PRDM16: variants seen among roughly 807,000 people sequenced by gnomAD.
The protein encoded by PRDM16 is histone-lysine N-methyltransferase PRDM16.
PRDM16 carries 23 observed loss-of-function variants against 110.6 expected under a neutral mutation model. The ratio of observed to expected loss-of-function variants is 0.21; its 90% confidence interval spans 0.15 to 0.29. The LOEUF (loss-of-function observed/expected upper bound fraction) is 0.29, where lower values mean the gene tolerates loss of function less well. Among genes scored for constraint, PRDM16 ranks in the 10% least tolerant of loss-of-function variants. PRDM16 has a pLI of 1.00. For synonymous variants in PRDM16, 799 were observed against 781.8 expected, an observed-to-expected ratio of 1.02 and a Z score of -0.37; for missense variants, 1,615 against 1,794.3, an observed-to-expected ratio of 0.90 and a Z score of 1.81.
At chr1:3,087,374 G>A (rs1570227411) in intron 1 of PRDM16, among the ~76,000 whole-genome samples, 2 of 152,202 alleles carry the variant, frequency 1.3e-5, no homozygotes, top group African/African-American at 4.8e-5. Flanking sequence ...GCACCACAGA[G>A]CACGGGCTGA....
chr1:3,373,926 G>A (rs1159982066), intron 3 of PRDM16, among the ~76,000 whole-genome samples: 1 of 152,232 alleles, frequency 6.6e-6, no homozygotes, highest in Admixed American at 6.5e-5. Context: ...GTTGACCAGA[G>A]CCAACCAAAG....
Position 3,404,810 on chromosome 1 carries a change from A to T in PRDM16, c.956A>T (p.Asn319Ile). The change falls in exon 7 of 17, where the codon AAC becomes ATC. Residue 319 changes from asparagine to isoleucine, a missense_variant. By Grantham distance (149) the Asn-to-Ile change is moderately radical. Coordinates refer to ENST00000270722, the MANE Select transcript of PRDM16 (RefSeq NM_022114.4). ...TGCGACCAGTGTCCCAAGGCCTTCA[A>T]CTGGAAGTCCAACCTCATCCGCCAC... The part of the protein sequence containing the change: ...YKCDQCPKAF[N>I]WKSNLIRHQM... The T allele has an allele frequency of 6.2e-7, 1 of 1,613,670 alleles. No individual in the cohort carries two copies. Among genetic ancestry groups the T allele is most frequent in the Non-Finnish European group, 8.5e-7 (1 of 1,179,992 alleles).
At chr1:3,426,666 G>T (rs1394468552) in intron 14 of PRDM16, among the ~76,000 whole-genome samples, 1 of 152,124 alleles carries the variant, frequency 6.6e-6, no homozygotes, top group Admixed American at 6.5e-5. Context: ...GCACACATAG[G>T]TATGCCCCGT....
At chr1:3,182,681 C>CA (rs1331992228) in intron 1 of PRDM16, among the ~76,000 whole-genome samples, 1 of 152,202 alleles carries the variant, frequency 6.6e-6, no homozygotes, top group East Asian at 1.9e-4. Flanking sequence ...GTCTCTGTCC[C>CA]AGCCCGGGGC....
intron 14 of PRDM16, among the ~76,000 whole-genome samples, chr1:3,429,951 T>G (rs1340267109): frequency 6.6e-6 from 1 of 152,140 alleles, no homozygotes; most frequent in Non-Finnish European, 1.5e-5. Flanking sequence ...CGTGGATACC[T>G]CCCAGGGCAG....
chr1:3,325,550 T>A (rs1641869839), intron 3 of PRDM16, among the ~76,000 whole-genome samples: 1 of 152,194 alleles, frequency 6.6e-6, no homozygotes, highest in Non-Finnish European at 1.5e-5. Context: ...AGGGACTGTG[T>A]TTATTTCCTG....
intron 3 of PRDM16, among the ~76,000 whole-genome samples, chr1:3,301,578 CT>C (rs1557592037): frequency 6.6e-6 from 1 of 152,196 alleles, no homozygotes; most frequent in South Asian, 2.1e-4. Flanking sequence ...CGGAGCCCAG[CT>C]TCCTTTAGCA....
chr1:3,125,367 C>T (rs563852251), intron 1 of PRDM16, among the ~76,000 whole-genome samples: 1 of 152,384 alleles, frequency 6.6e-6, no homozygotes, highest in East Asian at 1.9e-4. Flanking sequence ...GTCCTCCTGT[C>T]CTTTCTGGAA....
intron 4 of PRDM16, among the ~76,000 whole-genome samples, chr1:3,393,506 C>T (rs917009729): frequency 6.6e-6 from 1 of 152,204 alleles, no homozygotes; most frequent in Non-Finnish European, 1.5e-5. Context: ...TTATGACAAG[C>T]CCTGCAGGAA....
At chr1:3,093,396 CT>C (rs1295909708) in intron 1 of PRDM16, among the ~76,000 whole-genome samples, 1 of 152,228 alleles carries the variant, frequency 6.6e-6, no homozygotes. Context: ...TGGGGTGCAG[CT>C]GGGACTCGGT....
In PRDM16 at chr1:3,171,567, C is replaced by T. The variant is rs140007248; in HGVS notation, c.38-14558C>T. ...GCCCTCGGTATCCCACTTACAGCCT[C>T]CGAGTTTGCAGAAACACAGCTGTGT... On this transcript the variant is annotated intron_variant, in intron 1 of 16. Coordinates refer to ENST00000270722, the MANE Select transcript of PRDM16 (RefSeq NM_022114.4). 1.0e-2 allele frequency among the ~76,000 whole-genome samples: 1,523 copies of T among 152,308 alleles called. 29 individuals are homozygous for T. Among genetic ancestry groups the T allele is most frequent in the African/African-American group, 0.034 (1,424 of 41,584 alleles).
At chr1:3,125,583 G>A (rs1337229078) in intron 1 of PRDM16, among the ~76,000 whole-genome samples, 1 of 152,280 alleles carries the variant, frequency 6.6e-6, no homozygotes, top group Non-Finnish European at 1.5e-5. Flanking sequence ...GGCTCTGGAG[G>A]AGCAATGAGT....
chr1:3,299,452 C>T (rs1363767173), intron 3 of PRDM16, among the ~76,000 whole-genome samples: 1 of 114,168 alleles, frequency 8.8e-6, no homozygotes, highest in African/African-American at 3.0e-5. Context: ...CGTGGTGACT[C>T]TGCCCTGGTT....
At chr1:3,211,669 G>T (rs1391947759) in intron 2 of PRDM16, among the ~76,000 whole-genome samples, 1 of 152,210 alleles carries the variant, frequency 6.6e-6, no homozygotes, top group Non-Finnish European at 1.5e-5. Context: ...GGTGGTCAGT[G>T]CTCGCTCACC....
At chr1:3,113,733 C>T (rs777999794) in intron 1 of PRDM16, among the ~76,000 whole-genome samples, 4 of 152,332 alleles carry the variant, frequency 2.6e-5, no homozygotes, top group Admixed American at 6.5e-5. Context: ...GACATGGCCG[C>T]GTGCCCCAGG....
chr1:3,075,130 G>A (rs748854448), intron 1 of PRDM16, among the ~76,000 whole-genome samples: 1 of 152,242 alleles, frequency 6.6e-6, no homozygotes, highest in Non-Finnish European at 1.5e-5. Context: ...CTGAGACGCG[G>A]GAACAATGCC....
chr1:3,294,987 G>A (rs1296264451), intron 3 of PRDM16, among the ~76,000 whole-genome samples: 6 of 152,312 alleles, frequency 3.9e-5, no homozygotes, highest in African/African-American at 1.4e-4. Context: ...GGTCACTGCA[G>A]GCAGGCTATG....
At chr1:3,091,182 TAGC>T (rs1310955518) in intron 1 of PRDM16, among the ~76,000 whole-genome samples, 1 of 152,148 alleles carries the variant, frequency 6.6e-6, no homozygotes, top group Non-Finnish European at 1.5e-5. Context: ...CACCGACCAA[TAGC>T]AGCTTAAACC....
intron 1 of PRDM16, among the ~76,000 whole-genome samples, chr1:3,181,275 T>C (rs1472791650): frequency 8.7e-6 from 1 of 114,420 alleles, no homozygotes. Context: ...CACACGGCCT[T>C]ACGCATGGTC....
Sources: gnomAD v4.1 joint callset for allele counts (sites outside exome capture counted in the v4.1 genomes callset) on GRCh38, gnomAD v4.1.1 for gene constraint, MANE v1.5 for transcripts, NCBI Gene and HGNC (gene_info 2026-07-23, HGNC 2026-07-21) for gene names.